The following FOXP2 variants were observed in gnomAD, a reference collection of about 807,000 sequenced individuals.
FOXP2 encodes forkhead box protein P2.
A neutral mutation model predicts 115.8 loss-of-function variants in FOXP2; 12 were observed. The ratio of observed to expected loss-of-function variants is 0.10; its 90% CI spans 0.07 to 0.17. FOXP2 has a LOEUF of 0.17. Among genes scored for constraint, FOXP2 ranks in the 10% least tolerant of loss-of-function variants. The pLI, the probability that FOXP2 is intolerant of heterozygous loss-of-function variation, is 1.00. For synonymous variants in FOXP2, 328 were observed against 297.7 expected (o/e 1.10, Z -1.05); for missense variants, 629 against 843.5 (o/e 0.75, Z 3.15).
intron 1 of FOXP2, among the ~76,000 whole-genome samples, chr7:114,097,104 A>C (rs1433984301): frequency 6.6e-6 from 1 of 152,188 alleles, no homozygotes; most frequent in Non-Finnish European, 1.5e-5. Context: ...TCATCTTTAT[A>C]ATTGTTTTAA....
intron 3 of FOXP2, among the ~76,000 whole-genome samples, chr7:114,612,219 G>A (rs1803667495): frequency 6.6e-6 from 1 of 152,006 alleles, no homozygotes; most frequent in South Asian, 2.1e-4. Context: ...TGAGACTGGA[G>A]GGGAAGAGAT....
At chr7:114,434,372 G>A (rs543871317) in intron 2 of FOXP2, among the ~76,000 whole-genome samples, 13 of 143,062 alleles carry the variant, frequency 9.1e-5, no homozygotes, top group African/African-American at 2.9e-4. Context: ...ATTGTTTTTT[G>A]GGCTCTCATT....
intron 2 of FOXP2, among the ~76,000 whole-genome samples, chr7:114,526,027 G>T (rs1454553280): frequency 6.6e-6 from 1 of 150,434 alleles, no homozygotes; most frequent in Non-Finnish European, 1.5e-5. Flanking sequence ...CAGGAGAATC[G>T]CTTGAACCTG....
chr7:114,544,745 C>A (rs1799833697), intron 3 of FOXP2, among the ~76,000 whole-genome samples: 1 of 152,198 alleles, frequency 6.6e-6, no homozygotes, highest in African/African-American at 2.4e-5. Flanking sequence ...ATTATTCTCT[C>A]TACATTCTAC....
intron 2 of FOXP2, among the ~76,000 whole-genome samples, chr7:114,343,633 T>C (rs769308042): frequency 1.3e-5 from 2 of 151,702 alleles, no homozygotes; most frequent in Non-Finnish European, 3.0e-5. Flanking sequence ...CTTGACTGAA[T>C]GGTGATATTT....
intron 1 of FOXP2, among the ~76,000 whole-genome samples, chr7:114,244,912 C>T (rs1367096442): frequency 6.6e-6 from 1 of 151,934 alleles, no homozygotes; most frequent in Non-Finnish European, 1.5e-5. Context: ...CAGGCGCCCA[C>T]CATCACGCCC....
chr7:114,620,443 A>C (rs1563039361), intron 3 of FOXP2, among the ~76,000 whole-genome samples: 1 of 152,062 alleles, frequency 6.6e-6, no homozygotes, highest in Non-Finnish European at 1.5e-5. Flanking sequence ...GAGCTGCTTG[A>C]AGCACTTGTA....
rs113366673 is a variant in FOXP2, at chr7:114,442,588, G to C, written c.168+15909G>C. The stretch of plus-strand genomic sequence containing the variant: ...TTCTCCCACCTCAGCCTCCTGAGTA[G>C]CTGGGACTACAGGCACATGCCATCA... On this transcript the variant is annotated intron_variant, in intron 2 of 16. Transcript: ENST00000350908. Among the ~76,000 whole-genome samples the C allele has an allele frequency of 9.1e-3, 1,389 of 152,150 alleles. 10 individuals carry two copies. Among genetic ancestry groups the C allele is most frequent in the Non-Finnish European group, 0.013 (860 of 67,998 alleles).
chr7:114,150,021 G>A (rs1427582637), intron 1 of FOXP2, among the ~76,000 whole-genome samples: 1 of 151,998 alleles, frequency 6.6e-6, no homozygotes, highest in African/African-American at 2.4e-5. Context: ...TTTCTAGCAA[G>A]TGCTAATTTT....
intron 2 of FOXP2, among the ~76,000 whole-genome samples, chr7:114,326,320 G>A (rs1381956851): frequency 6.6e-6 from 1 of 152,060 alleles, no homozygotes; most frequent in East Asian, 1.9e-4. Context: ...ATATAAAGTT[G>A]AAGAGTCTAT....
rs765647678 is a variant in FOXP2, at chr7:114,534,648, A to G, written c.200A>G (p.Gln67Arg). 1.2e-6 allele frequency: 2 copies of G among 1,612,100 alleles called. No individual in the cohort carries two copies. The highest frequency in any genetic ancestry group is 2.2e-5 in the South Asian group (2 of 91,062). Residue 67 changes from glutamine (Q) to arginine (R), a missense_variant, in exon 3 of 17, where the codon CAG (glutamine) becomes CGG (arginine). Transcript: ENST00000350908. ...ALQAARQLLL[Q>R]QQTSGLKSPK... ...CAGGCAGCAAGACAACTTCTTTTAC[A>G]GCAGCAAACAAGTGGATTGAAATCT... is the stretch of plus-strand genomic sequence containing the variant.
intron 3 of FOXP2, among the ~76,000 whole-genome samples, chr7:114,566,356 G>A (rs1294569423): frequency 6.6e-6 from 1 of 151,988 alleles, no homozygotes; most frequent in African/African-American, 2.4e-5. Flanking sequence ...GTTGGAGGTG[G>A]GGCCTCACGG....
At chr7:114,390,023 CAAAAAA>C (rs11311566) in intron 2 of FOXP2, among the ~76,000 whole-genome samples, 4 of 93,188 alleles carry the variant, frequency 4.3e-5, no homozygotes, top group Non-Finnish European at 4.0e-5. Context: ...CATTCAGTGT[CAAAAAA>C]AAAAAAAAAA....
At chr7:114,236,369 G>A (rs543381254) in intron 1 of FOXP2, among the ~76,000 whole-genome samples, 34 of 152,242 alleles carry the variant, frequency 2.2e-4, no homozygotes, top group African/African-American at 8.2e-4. Context: ...AATAGTGGAT[G>A]GAGGATTATC....
chr7:114,430,760 A>G (rs1220331017), intron 2 of FOXP2, among the ~76,000 whole-genome samples: 1 of 151,870 alleles, frequency 6.6e-6, no homozygotes, highest in Non-Finnish European at 1.5e-5. Flanking sequence ...TTGATAACCT[A>G]GAAAGAATGT....
intron 3 of FOXP2, among the ~76,000 whole-genome samples, chr7:114,539,049 T>G (rs1799527327): frequency 6.6e-6 from 1 of 151,900 alleles, no homozygotes; most frequent in Admixed American, 6.6e-5. Context: ...TTTGATATAA[T>G]GCAACTTAAC....
chr7:114,554,407 T>G (rs1278070805), intron 3 of FOXP2, among the ~76,000 whole-genome samples: 2 of 152,158 alleles, frequency 1.3e-5, no homozygotes, highest in Non-Finnish European at 2.9e-5. Context: ...TAAATTAGCT[T>G]TATTCTTCAG....
Position 114,628,689 on chromosome 7 carries a change from T to G in FOXP2, c.396+12T>G. On this transcript the variant is annotated intron_variant, in intron 4 of 16. Coordinates refer to ENST00000350908, the MANE Select transcript of FOXP2 (RefSeq NM_014491.4). The stretch of plus-strand genomic sequence containing the variant: ...TCATGCTGCAGCAGGTAATGTGGGT[T>G]ACCTGCTTTGGTGTTCTAGCATGAC... 1 of 1,613,998 alleles carries G rather than the reference T, an allele frequency of 6.2e-7. No homozygotes were observed.
intron 3 of FOXP2, among the ~76,000 whole-genome samples, chr7:114,578,652 T>C (rs537725128): frequency 2.0e-5 from 3 of 152,264 alleles, no homozygotes; most frequent in Non-Finnish European, 4.4e-5. Context: ...GCTGATCACA[T>C]TTACCTATGA....
Sources: allele counts gnomAD v4.1 joint callset (sites outside exome capture counted in the v4.1 genomes callset), GRCh38; gene constraint gnomAD v4.1.1; transcripts MANE v1.5; gene names NCBI Gene and HGNC (gene_info 2026-07-23, HGNC 2026-07-21).